The following TNRC6A variants were observed in gnomAD, a reference collection of about 807,000 sequenced individuals.
TNRC6A encodes the protein trinucleotide repeat containing adaptor 6A.
TNRC6A carries 44 observed loss-of-function variants against 221.2 expected under a neutral mutation model. That is an observed-to-expected ratio of 0.20 (90% CI 0.16 to 0.26). The LOEUF is 0.26. TNRC6A is among the 10% of genes least tolerant of loss of function. TNRC6A has a pLI of 1.00. For synonymous variants in TNRC6A, 847 were observed against 838.5 expected, an observed-to-expected ratio of 1.01 and a Z score of -0.18; for missense variants, 2,199 against 2,404.4, an observed-to-expected ratio of 0.91 and a Z score of 1.79.
At chr16:24,813,313 G>A (rs1261039584) in intron 18 of TNRC6A, among the ~76,000 whole-genome samples, 4 of 152,132 alleles carry the variant, frequency 2.6e-5, no homozygotes, top group East Asian at 1.9e-4. Flanking sequence ...CATTTTACCC[G>A]ATAAGTAGTT....
intron 2 of TNRC6A, among the ~76,000 whole-genome samples, chr16:24,708,476 G>C (rs56666521): frequency 0.26 from 39,063 of 151,842 alleles, 8,318 homozygotes; most frequent in East Asian, 0.72. Flanking sequence ...CTCCTGACTT[G>C]GTGATCCGCC....
In TNRC6A at chr16:24,769,485, A is replaced by C. The variant is rs980608554; in HGVS notation, c.164-7448A>C. 2.7e-5 allele frequency among the ~76,000 whole-genome samples: 4 copies of C among 146,132 alleles called. No homozygotes were observed. The East Asian group carries it at 6.1e-4, about 22-fold the overall frequency. ...AGTATGACCAAAAAAAAAAAAAAAA[A>C]CCCTAAAAATAGAGCTCTTTACTAG... is the stretch of plus-strand genomic sequence containing the variant. On this transcript the variant is annotated intron_variant, in intron 4 of 24. Transcript: ENST00000395799.
intron 1 of TNRC6A, among the ~76,000 whole-genome samples, chr16:24,635,061 C>G (rs1013186367): frequency 8.6e-5 from 13 of 151,798 alleles, no homozygotes; most frequent in African/African-American, 2.9e-4. Flanking sequence ...AGAAGTGAGT[C>G]ACCTTTCTTT....
chr16:24,772,940 CCCT>C (rs1229898714), intron 4 of TNRC6A, among the ~76,000 whole-genome samples: 1 of 152,152 alleles, frequency 6.6e-6, no homozygotes, highest in Non-Finnish European at 1.5e-5. Flanking sequence ...TTAAATTACT[CCCT>C]CCTCCAGCTT....
intron 6 of TNRC6A, among the ~76,000 whole-genome samples, chr16:24,792,785 A>ATT (rs34453471): frequency 1.2e-3 from 150 of 120,422 alleles, no homozygotes; most frequent in African/African-American, 3.7e-3. Context: ...TTGTGGCACA[A>ATT]TTTTTTTTTT....
rs771227688 is a variant in TNRC6A at position 24,790,931 on chromosome 16, A to G, written c.2289A>G (p.Ser763=). The G allele has an allele frequency of 2.5e-6, 4 of 1,613,884 alleles. No homozygotes were observed. Among genetic ancestry groups the G allele is most frequent in the Non-Finnish European group, 2.5e-6 (3 of 1,179,896 alleles). The change falls in exon 6 of 25, where the codon TCA becomes TCG. Residue 763 remains serine (S), a synonymous_variant. Coordinates refer to ENST00000395799, the MANE Select transcript of TNRC6A (RefSeq NM_014494.4). ...WGSSATQTFN[S]GACIDKTSPN... ...GCTCTGCAACACAGACTTTTAACTC[A>G]GGGGCATGTATAGATAAGACTAGCC...
Position 24,793,588 on chromosome 16 carries a change from G to C in TNRC6A, c.3291G>C (p.Ala1097=). 6.4e-7 allele frequency: 1 copy of C among 1,563,498 alleles called. No homozygotes were observed. Reference sequence around the variant, plus strand: ...CCAGCTGGGGGGAACCCATTGCTGCGGCATCCAGCACATCCACGTGGGGCT... The same window carrying C: ...CCAGCTGGGGGGAACCCATTGCTGCCGCATCCAGCACATCCACGTGGGGCT... ...SGPSWGEPIA[A]ASSTSTWGSS... Residue 1097 remains alanine (A), a synonymous_variant, in exon 7 of 25, where the codon GCG becomes GCC. Coordinates refer to ENST00000395799, the MANE Select transcript of TNRC6A (RefSeq NM_014494.4).
At chr16:24,735,442 G>A (rs1281707659) in intron 2 of TNRC6A, among the ~76,000 whole-genome samples, 1 of 152,130 alleles carries the variant, frequency 6.6e-6, no homozygotes, top group African/African-American at 2.4e-5. Flanking sequence ...GCTGTGATAC[G>A]GTTTGCAGGC....
chr16:24,704,884 G>A (rs999327087), intron 2 of TNRC6A, among the ~76,000 whole-genome samples: 1 of 151,328 alleles, frequency 6.6e-6, no homozygotes, highest in African/African-American at 2.4e-5. Flanking sequence ...GTTCACACCT[G>A]TCCCAGCACT....
chr16:24,804,504 A>AT (rs2058391096), intron 12 of TNRC6A, 185 bp downstream of exon 12: 1 of 1,101,780 alleles, frequency 9.1e-7, no homozygotes, highest in African/African-American at 1.6e-5. Context: ...TTGCATTTAT[A>AT]TTTTTCTTCT....
intron 2 of TNRC6A, among the ~76,000 whole-genome samples, chr16:24,737,768 TA>T (rs1413846007): frequency 6.6e-6 from 1 of 152,252 alleles, no homozygotes; most frequent in Non-Finnish European, 1.5e-5. Flanking sequence ...TAATATTGAA[TA>T]TTTTTAGAGT....
chr16:24,646,319 C>G (rs1021393430), intron 2 of TNRC6A, among the ~76,000 whole-genome samples: 2 of 152,184 alleles, frequency 1.3e-5, no homozygotes, highest in East Asian at 3.8e-4. Context: ...TTGTAAAACT[C>G]TTCCATGACT....
rs2058840810 is a variant in TNRC6A, at chr16:24,824,908, G to C, written c.*1101G>C. On this transcript the variant is annotated 3_prime_UTR_variant, in exon 25 of 25. Transcript: ENST00000395799. The stretch of plus-strand genomic sequence containing the variant: ...AAGAAAAAACAAAAAAACGCTTAAA[G>C]CTGGAGTTTGACATTCTGCTTTCAG... 6.6e-6 allele frequency: 1 copy of C among 152,498 alleles called. No homozygotes were observed. Among genetic ancestry groups the C allele is most frequent in the African/African-American group, 2.4e-5 (1 of 41,392 alleles). 9.4% of individuals were successfully genotyped at this position (152,498 alleles called of 1,614,324 possible). A position where few individuals can be genotyped will look rare whatever the true frequency, so the allele number is the denominator to read the frequency against.
chr16:24,709,848 T>C (rs1284122159), intron 2 of TNRC6A, among the ~76,000 whole-genome samples: 1 of 137,246 alleles, frequency 7.3e-6, no homozygotes, highest in Admixed American at 7.6e-5. Context: ...AAAAGAAGTT[T>C]ATATTCTTTG....
At chr16:24,786,317 T>TG (rs374358458) in intron 5 of TNRC6A, among the ~76,000 whole-genome samples, 51 of 105,092 alleles carry the variant, frequency 4.9e-4, no homozygotes, top group African/African-American at 1.5e-3. Flanking sequence ...TTGTTGTTGT[T>TG]TTGTTTTGTT....
chr16:24,615,160 C>T (rs1194706622), intron 1 of TNRC6A, among the ~76,000 whole-genome samples: 1 of 152,108 alleles, frequency 6.6e-6, no homozygotes, highest in Non-Finnish European at 1.5e-5. Flanking sequence ...GTAGAAATAA[C>T]AAGTCTTGCT....
intron 2 of TNRC6A, chr16:24,670,979 G>T (rs1567342496): frequency 2.5e-6 from 1 of 407,794 alleles, no homozygotes; most frequent in Non-Finnish European, 5.0e-6. Context: ...TTAGCATCTG[G>T]CCGTGATCCC....
chr16:24,688,944 G>C (rs557920033), intron 2 of TNRC6A, among the ~76,000 whole-genome samples: 1 of 152,314 alleles, frequency 6.6e-6, no homozygotes, highest in East Asian at 1.9e-4. Flanking sequence ...GCTCATGCCT[G>C]TAACCCAGCA....
intron 2 of TNRC6A, among the ~76,000 whole-genome samples, chr16:24,714,302 CTTTTTTT>C (rs60469088): frequency 1.4e-5 from 1 of 71,272 alleles, no homozygotes; most frequent in South Asian, 6.2e-4. Flanking sequence ...TGCTGTTAAT[CTTTTTTT>C]TTTTTTTTTT....
Sources: allele counts gnomAD v4.1 joint callset (sites outside exome capture counted in the v4.1 genomes callset), GRCh38; gene constraint gnomAD v4.1.1; transcripts MANE v1.5; gene names NCBI Gene and HGNC (gene_info 2026-07-23, HGNC 2026-07-21).